PNPLA2: variants seen among roughly 807,000 people sequenced by gnomAD.
PNPLA2 encodes the protein patatin-like phospholipase domain-containing protein 2.
PNPLA2 carries 28 observed loss-of-function variants against 39.7 expected under a neutral mutation model. The observed-to-expected ratio is 0.70, with a 90% CI of 0.52 to 0.97. The LOEUF (loss-of-function observed/expected upper bound fraction) is 0.97. Ranked by LOEUF, PNPLA2 falls within the 50% of genes least tolerant of loss-of-function variation. The pLI is 0.00. For synonymous variants in PNPLA2, 392 were observed against 321.1 expected (o/e 1.22, Z -2.36); for missense variants, 768 against 698.2 (o/e 1.10, Z -1.13).
rs759666755 is a variant in PNPLA2 at position 822,510 on chromosome 11, C to T, written c.600C>T (p.Thr200=). The part of the protein sequence containing the change: ...ESDICPQDSS[T]NIHELRVTNT... ...ACATCTGTCCGCAGGACAGCTCCAC[C>T]AACATCCACGAGCTGCGGGTCACCA... The change falls in exon 5 of 10, where the codon ACC becomes ACT. Residue 200 remains threonine, a synonymous_variant. Coordinates refer to ENST00000336615, the MANE Select transcript of PNPLA2 (RefSeq NM_020376.4). The T allele has an allele frequency of 1.9e-6, 3 of 1,613,974 alleles. No homozygotes were observed. The highest frequency in any genetic ancestry group is 1.3e-5 in the African/African-American group (1 of 74,936).
chr11:823,068 T>A (rs1246882091), intron 5 of PNPLA2, among the ~76,000 whole-genome samples: 1 of 151,766 alleles, frequency 6.6e-6, no homozygotes, highest in Non-Finnish European at 1.5e-5. Context: ...TTTTTTTATT[T>A]TTTTTTTGAG....
intron 5 of PNPLA2, 81 bp from the exon 6 acceptor site, chr11:823,446 G>A: frequency 7.8e-7 from 1 of 1,280,246 alleles, no homozygotes; most frequent in Non-Finnish European, 1.1e-6. Flanking sequence ...AAGGGAGGTG[G>A]CTGTTGGGGG....
rs1209403804 is a variant in PNPLA2, at chr11:824,450, C to T, written c.1175+14C>T. The T allele has an allele frequency of 1.9e-6, 3 of 1,551,088 alleles. No individual in the cohort carries two copies. In the South Asian group the frequency reaches 3.6e-5, roughly 18 times the overall value. On this transcript the variant is annotated intron_variant, in intron 9 of 9. Transcript: ENST00000336615. The stretch of plus-strand genomic sequence containing the variant: ...CCTGCCCTCCAGGTGAGCCGCCGAC[C>T]GCGCGTCCACCCGGGGCCCGCGGTG...
At chr11:823,657 C>T in intron 6 of PNPLA2, 37 bp from the exon 7 acceptor site, 1 of 1,602,724 alleles carries the variant, frequency 6.2e-7, no homozygotes, top group African/African-American at 1.3e-5. Context: ...CGCGGCCGCG[C>T]TGATGAACTG....
Position 823,826 on chromosome 11 carries a change from T to C in PNPLA2, c.890T>C (p.Leu297Pro), listed in dbSNP as rs764543019. 7 of 1,592,998 alleles carry C rather than the reference T, an allele frequency of 4.4e-6. No homozygotes were observed. Among genetic ancestry groups the C allele is most frequent in the South Asian group, 1.1e-5 (1 of 88,726 alleles). ...CAGCTGCCCGGAGAAGATCACATCC[T>C]GGAGCACCTGCCCGCCCGGCTCAAT... The part of the protein sequence containing the change: ...YSQLPGEDHI[L>P]EHLPARLNEA... The change falls in exon 7 of 10, where the codon CTG becomes CCG. Residue 297 changes from leucine to proline, a missense_variant. Coordinates refer to ENST00000336615, the MANE Select transcript of PNPLA2 (RefSeq NM_020376.4).
In PNPLA2 at chr11:824,632, C is replaced by T; in HGVS notation, c.1285C>T (p.Leu429=). The T allele has an allele frequency of 1.9e-6, 3 of 1,596,860 alleles. No individual in the cohort carries two copies. The highest frequency in any genetic ancestry group is 2.5e-6 in the Non-Finnish European group (3 of 1,176,798). Residue 429 remains leucine, a synonymous_variant, in exon 10 of 10, where the codon CTG becomes TTG. Coordinates refer to ENST00000336615, the MANE Select transcript of PNPLA2 (RefSeq NM_020376.4). ...LPGWMRNNLS[L]GDALAKWEEC... ...CGGCTGGATGCGCAACAACCTCTCGCTGGGGGACGCGCTGGCCAAGTGGGA... is the reference window on the plus strand; with the variant it reads ...CGGCTGGATGCGCAACAACCTCTCGTTGGGGGACGCGCTGGCCAAGTGGGA...
At chr11:821,323 G>A (rs1166786046) in intron 2 of PNPLA2, 7 of 493,374 alleles carry the variant, frequency 1.4e-5, no homozygotes, top group East Asian at 3.9e-5. Flanking sequence ...GGCTAAGGCC[G>A]GTCAGAGTTG....
chr11:824,393 G>A lies in PNPLA2; in HGVS notation c.1132G>A (p.Val378Met). ...GACGGGCAGCATCTGCCAGTACCTG[G>A]TGATGCGCGCCAAGAGGAAGCTGGG... ...EQTGSICQYL[V>M]MRAKRKLGRH... is the part of the protein sequence containing the mutation. The change falls in exon 9 of 10, where the codon GTG (valine) becomes ATG (methionine). Residue 378 changes from valine (V) to methionine (M), a missense_variant. Val to Met is a conservative substitution (Grantham distance 21). Coordinates refer to ENST00000336615, the MANE Select transcript of PNPLA2 (RefSeq NM_020376.4). 1 of 1,553,836 alleles carries A rather than the reference G, an allele frequency of 6.4e-7. No individual in the cohort carries two copies. The highest frequency in any genetic ancestry group is 8.7e-7 in the Non-Finnish European group (1 of 1,149,040).
Position 824,924 on chromosome 11 carries a change from G to A in PNPLA2, c.*62G>A. On this transcript the variant is annotated 3_prime_UTR_variant, in exon 10 of 10. Coordinates refer to ENST00000336615, the MANE Select transcript of PNPLA2 (RefSeq NM_020376.4). ...CTCCATTACCACTGCGCAGTGAGAT[G>A]AGGGGACTCACAGTTGCCAAGAGGG... 1 of 1,338,674 alleles carries A rather than the reference G, an allele frequency of 7.5e-7. No individual in the cohort carries two copies. Among genetic ancestry groups the A allele is most frequent in the East Asian group, 2.5e-5 (1 of 39,864 alleles). 82.9% of individuals were successfully genotyped at this position (1,338,674 alleles called of 1,614,324 possible).
chr11:819,458 G>C (rs1274836145), intron 1 of PNPLA2, 116 bp from the exon 2 acceptor site: 3 of 1,194,608 alleles, frequency 2.5e-6, no homozygotes, highest in Non-Finnish European at 3.1e-6. Context: ...CAAGGACGGG[G>C]GCGGGTCCCG....
At position 821,838 on chromosome 11, in the gene PNPLA2, A is replaced by T. The variant is rs745553315; in HGVS notation, c.398A>T (p.Asn133Ile). ...DGENVIISHF[N>I]SKDELIQANV... is the part of the protein sequence containing the mutation. Reference sequence around the variant, plus strand: ...GAGAATGTCATTATATCCCACTTCAACTCCAAGGACGAGCTCATCCAGGTG... The same window carrying T: ...GAGAATGTCATTATATCCCACTTCATCTCCAAGGACGAGCTCATCCAGGTG... The change falls in exon 3 of 10, where the codon AAC becomes ATC. Residue 133 changes from asparagine to isoleucine, a missense_variant. By Grantham distance (149) the Asn-to-Ile change is moderately radical. Transcript: ENST00000336615. 6.2e-7 allele frequency: 1 copy of T among 1,613,244 alleles called. No individual in the cohort carries two copies. The highest frequency in any genetic ancestry group is 8.5e-7 in the Non-Finnish European group (1 of 1,179,848).
rs140934067 is a variant in PNPLA2, at chr11:822,730, G to A, written c.696+124G>A. ...TGGTGGGAGCCTCTTCTGAGGGCTG[G>A]GGAAAGCGCACAACCTTTCTAGGGG... On this transcript the variant is annotated intron_variant, in intron 5 of 9. Transcript: ENST00000336615. The A allele has an allele frequency of 3.8e-4, 306 of 810,004 alleles. 2 individuals are homozygous for A. Among genetic ancestry groups the A allele is most frequent in the African/African-American group, 3.8e-3 (223 of 59,324 alleles). The allele number at this position is 810,004 out of a possible 1,614,324, so 50.2% of individuals were successfully genotyped here.
intron 4 of PNPLA2, 41 bp downstream of exon 4, chr11:822,064 C>G: frequency 1.3e-6 from 2 of 1,584,158 alleles, no homozygotes; most frequent in Middle Eastern, 1.7e-4. Flanking sequence ...TGGGGTGGGC[C>G]GTGGGATGAG....
In PNPLA2 at chr11:824,546, G is replaced by A; in HGVS notation, c.1199G>A (p.Arg400His). Residue 400 changes from arginine (R) to histidine (H), a missense_variant, in exon 10 of 10, where the codon CGC becomes CAC. Arg to His is a conservative substitution (Grantham distance 29). Transcript: ENST00000336615. Reference sequence around the variant, plus strand: ...AGGCTGCCGGAGCAGGTGGAGCTGCGCCGCGTCCAGTCGCTGCCGTCCGTG... The same window carrying A: ...AGGCTGCCGGAGCAGGTGGAGCTGCACCGCGTCCAGTCGCTGCCGTCCGTG... ...PSRLPEQVEL[R>H]RVQSLPSVPL... The A allele has an allele frequency of 6.4e-7, 1 of 1,555,226 alleles. No homozygotes were observed. Among genetic ancestry groups the A allele is most frequent in the Non-Finnish European group, 8.7e-7 (1 of 1,153,882 alleles).
rs1299452823 is a variant in PNPLA2 at position 824,368 on chromosome 11, G to C, written c.1107G>C (p.Gln369His). Residue 369 changes from glutamine (Q) to histidine (H), a missense_variant, in exon 9 of 10, where the codon CAG becomes CAC. By Grantham distance (24) the Gln-to-His change is conservative. Transcript: ENST00000336615. ...VPEDIRWMKE[Q>H]TGSICQYLVM... ...AGGACATCCGGTGGATGAAGGAGCAGACGGGCAGCATCTGCCAGTACCTGG... is the reference window on the plus strand; with the variant it reads ...AGGACATCCGGTGGATGAAGGAGCACACGGGCAGCATCTGCCAGTACCTGG... 8.4e-6 allele frequency: 13 copies of C among 1,551,240 alleles called. No homozygotes were observed. The highest frequency in any genetic ancestry group is 1.4e-5 in the African/African-American group (1 of 73,162).
chr11:819,942 G>A (rs1845613010), intron 2 of PNPLA2, 37 bp downstream of exon 2: 5 of 1,312,238 alleles, frequency 3.8e-6, no homozygotes, highest in Non-Finnish European at 4.9e-6. Context: ...GGGGGCTGGC[G>A]GGAAGGCCGT....
chr11:821,790 C>T lies in PNPLA2; in HGVS notation c.350C>T (p.Ser117Phe). Residue 117 changes from serine to phenylalanine, a missense_variant, in exon 3 of 10, where the codon TCC becomes TTC. By Grantham distance (155) the Ser-to-Phe change is radical. Transcript: ENST00000336615. ...CATGCCAGTGGGCGCCTGGGCATCT[C>T]CCTGACCCGCGTGTCAGACGGCGAG... is the stretch of plus-strand genomic sequence containing the variant. ...HEHASGRLGI[S>F]LTRVSDGENV... 6.2e-7 allele frequency: 1 copy of T among 1,614,010 alleles called. No homozygotes were observed. The highest frequency in any genetic ancestry group is 1.1e-5 in the South Asian group (1 of 91,088).
At position 824,511 on chromosome 11, in the gene PNPLA2, C is replaced by T. The variant is rs768778948; in HGVS notation, c.1176-12C>T. On this transcript the variant is annotated splice_polypyrimidine_tract_variant and intron_variant, in intron 9 of 9. Transcript: ENST00000336615. ...GAGCTGAAGCCCTCCCTGCCGCATC[C>T]CTGCCCCGCAGGCTGCCGGAGCAGG... 4.5e-6 allele frequency: 7 copies of T among 1,546,322 alleles called. No individual in the cohort carries two copies. Among genetic ancestry groups the T allele is most frequent in the South Asian group, 1.2e-5 (1 of 84,374 alleles).
chr11:821,280 C>G (rs1845656213), intron 2 of PNPLA2: 1 of 404,276 alleles, frequency 2.5e-6, no homozygotes, highest in African/African-American at 2.0e-5. Flanking sequence ...TCTGCCCCAT[C>G]CCCGCACTGC....
Sources: allele counts gnomAD v4.1 joint callset (sites outside exome capture counted in the v4.1 genomes callset), GRCh38; gene constraint gnomAD v4.1.1; transcripts MANE v1.5; gene names NCBI Gene and HGNC (gene_info 2026-07-23, HGNC 2026-07-21).